ZBTB7C: variants seen among roughly 807,000 people sequenced by gnomAD.
ZBTB7C encodes the protein zinc finger and BTB domain-containing protein 7C.
Under a neutral mutation model 25.7 loss-of-function variants are expected in ZBTB7C, and 8 were observed. The observed-to-expected ratio is 0.31, with a 90% CI of 0.18 to 0.56. The LOEUF (loss-of-function observed/expected upper bound fraction) is 0.56, where lower values mean the gene tolerates loss of function less well. Among genes scored for constraint, ZBTB7C ranks in the 20% least tolerant of loss-of-function variants. The pLI is 0.91. For synonymous variants in ZBTB7C, 394 were observed against 369.0 expected, an observed-to-expected ratio of 1.07 and a Z score of -0.78; for missense variants, 824 against 855.2, an observed-to-expected ratio of 0.96 and a Z score of 0.46.
chr18:48,085,826 G>T (rs1415320820), intron 3 of ZBTB7C, among the ~76,000 whole-genome samples: 1 of 152,198 alleles, frequency 6.6e-6, no homozygotes, highest in Non-Finnish European at 1.5e-5. Flanking sequence ...ACCCCTCCCT[G>T]CCTGGCCAGG....
intron 2 of ZBTB7C, chr18:48,252,917 G>T (rs2043910383): frequency 6.6e-6 from 1 of 152,246 alleles, no homozygotes; most frequent in African/African-American, 2.4e-5. Flanking sequence ...GCCTCTTAAG[G>T]TGATATGTAG....
At chr18:48,315,700 C>T (rs2045931433) in intron 2 of ZBTB7C, among the ~76,000 whole-genome samples, 1 of 152,176 alleles carries the variant, frequency 6.6e-6, no homozygotes, top group African/African-American at 2.4e-5. Flanking sequence ...TCAGCCTCTC[C>T]AGGGGGCTGC....
intron 2 of ZBTB7C, among the ~76,000 whole-genome samples, chr18:48,332,673 CTTTTTTTTTTTTT>C (rs58216606): frequency 1.3e-4 from 11 of 85,740 alleles, no homozygotes. Context: ...CTCTCCTTTG[CTTTTTTTTTTTTT>C]TTTTTTTTTT....
chr18:48,329,780 G>C (rs1368106723), intron 2 of ZBTB7C, among the ~76,000 whole-genome samples: 2 of 152,168 alleles, frequency 1.3e-5, no homozygotes, highest in African/African-American at 2.4e-5. Flanking sequence ...GGAAGCTGAG[G>C]CTCAGTGCAT....
At chr18:48,032,111 T>A (rs1166602648) in intron 4 of ZBTB7C, among the ~76,000 whole-genome samples, 1 of 152,108 alleles carries the variant, frequency 6.6e-6, no homozygotes, top group Non-Finnish European at 1.5e-5. Flanking sequence ...TAGGTTTTTT[T>A]ATTTTTATTT....
chr18:48,137,419 CCCA>C lies in ZBTB7C; in HGVS notation c.-17+48512_-17+48514del, dbSNP rs1376067144. The C allele has an allele frequency of 1.9e-3, 1,306 of 698,782 alleles. 6 individuals are homozygous for C. The highest frequency in any genetic ancestry group is 2.2e-3 in the Non-Finnish European group (1,224 of 568,970). 43.3% of individuals were successfully genotyped at this position (698,782 alleles called of 1,614,324 possible). On this transcript the variant is annotated intron_variant, in intron 3 of 4. Coordinates refer to ENST00000590800, the MANE Select transcript of ZBTB7C (RefSeq NM_001318841.2). Reference sequence around the variant, plus strand: ...CCGTTTTGTTTTTTGTGGGTTTCCCCCCACTCTCCTTCTCTAGTACTTCACAAA... The same window carrying C: ...CCGTTTTGTTTTTTGTGGGTTTCCCCCTCTCCTTCTCTAGTACTTCACAAA...
At chr18:48,059,001 C>T (rs1330597762) in intron 3 of ZBTB7C, among the ~76,000 whole-genome samples, 1 of 152,192 alleles carries the variant, frequency 6.6e-6, no homozygotes, top group Non-Finnish European at 1.5e-5. Context: ...CATAGGAATC[C>T]CTGAGCCAGA....
At chr18:48,336,859 G>T (rs542748656) in intron 2 of ZBTB7C, among the ~76,000 whole-genome samples, 1 of 152,184 alleles carries the variant, frequency 6.6e-6, no homozygotes, top group South Asian at 2.1e-4. Flanking sequence ...TGAGAGGTGG[G>T]GTCTGGGGAT....
Position 48,222,603 on chromosome 18 carries a change from G to T in ZBTB7C, c.-78-36608C>A, listed in dbSNP as rs551653322. ...GACTTGCCTGCTGCCTCCCAAATCT[G>T]CCCTAGATACCAGCCCCAGGACAAT... On this transcript the variant is annotated intron_variant, in intron 2 of 4. Transcript: ENST00000590800. 7.2e-5 allele frequency among the ~76,000 whole-genome samples: 11 copies of T among 152,230 alleles called. No individual in the cohort carries two copies. The East Asian group carries it at 1.7e-3, about 24-fold the overall frequency.
chr18:48,310,360 G>A (rs1244984996), intron 2 of ZBTB7C, among the ~76,000 whole-genome samples: 2 of 150,956 alleles, frequency 1.3e-5, no homozygotes, highest in Non-Finnish European at 1.5e-5. Flanking sequence ...TCCTTTCCGC[G>A]TTCCATTTTC....
At chr18:48,203,491 A>G (rs869999) in intron 2 of ZBTB7C, 22,769 of 152,300 alleles carry the variant, frequency 0.15, 1,860 homozygotes, top group Non-Finnish European at 0.19. Context: ...CTGCAGTGCA[A>G]AAGAATGGAC....
intron 3 of ZBTB7C, among the ~76,000 whole-genome samples, chr18:48,113,909 G>A (rs150538966): frequency 6.6e-6 from 1 of 152,326 alleles, no homozygotes; most frequent in East Asian, 1.9e-4. Context: ...GGGGCCGGCT[G>A]TAAAATGCTG....
chr18:48,282,411 T>A (rs866437148), intron 2 of ZBTB7C, among the ~76,000 whole-genome samples: 36 of 151,580 alleles, frequency 2.4e-4, no homozygotes, highest in African/African-American at 8.5e-4. Flanking sequence ...TGTATACATA[T>A]GTAACTAACC....
chr18:48,040,833 G>A lies in ZBTB7C; in HGVS notation c.275C>T (p.Ala92Val), dbSNP rs1208306565. ...PEALAAILEFAYTSTLTITAG... is the reference protein window; with the variant it reads ...PEALAAILEFVYTSTLTITAG... Reference sequence around the variant, plus strand: ...GGTGATGGTGAGCGTGGAGGTGTAGGCGAACTCCAGGATAGCAGCCAGAGC... The same window carrying A: ...GGTGATGGTGAGCGTGGAGGTGTAGACGAACTCCAGGATAGCAGCCAGAGC... The change falls in exon 4 of 5, where the codon GCC (alanine) becomes GTC (valine). Residue 92 changes from alanine to valine, a missense_variant. By Grantham distance (64) the Ala-to-Val change is moderately conservative (BLOSUM62 0). This residue lies in a region of ZBTB7C where 117 missense variants were observed against 167.7 expected (regional missense o/e 0.70). Transcript: ENST00000590800. 3 of 1,613,934 alleles carry A rather than the reference G, an allele frequency of 1.9e-6. No individual in the cohort carries two copies. Among genetic ancestry groups the A allele is most frequent in the African/African-American group, 2.7e-5 (2 of 74,920 alleles).
chr18:48,296,153 G>C (rs1230098252), intron 2 of ZBTB7C, among the ~76,000 whole-genome samples: 2 of 152,172 alleles, frequency 1.3e-5, no homozygotes, highest in Non-Finnish European at 2.9e-5. Context: ...CTTGGTCTCA[G>C]CACCTGCCCA....
At chr18:48,392,826 C>T (rs993714549) in intron 1 of ZBTB7C, among the ~76,000 whole-genome samples, 3 of 152,152 alleles carry the variant, frequency 2.0e-5, no homozygotes, top group Non-Finnish European at 4.4e-5. Flanking sequence ...CTGACCTCTT[C>T]CTCCAATGCC....
At chr18:48,235,220 T>C (rs1020897977) in intron 2 of ZBTB7C, among the ~76,000 whole-genome samples, 1 of 152,188 alleles carries the variant, frequency 6.6e-6, no homozygotes, top group South Asian at 2.1e-4. Flanking sequence ...GGTGTTTTTT[T>C]CTACCATTTT....
intron 3 of ZBTB7C, among the ~76,000 whole-genome samples, chr18:48,080,019 G>C (rs2037921411): frequency 6.6e-6 from 1 of 152,226 alleles, no homozygotes; most frequent in Admixed American, 6.5e-5. Flanking sequence ...TCAGCACAGG[G>C]AGCAGACGTT....
chr18:48,110,325 AC>A (rs34898683), intron 3 of ZBTB7C, among the ~76,000 whole-genome samples: 3 of 137,128 alleles, frequency 2.2e-5, no homozygotes, highest in African/African-American at 9.1e-5. Flanking sequence ...GCCCTGCCCT[AC>A]CCCCCCACCT....
Sources: gnomAD v4.1 joint callset for allele counts (sites outside exome capture counted in the v4.1 genomes callset) on GRCh38, gnomAD v4.1.1 for gene constraint, gnomAD v4.1.1 regional missense constraint, MANE v1.5 for transcripts, NCBI Gene and HGNC (gene_info 2026-07-23, HGNC 2026-07-21) for gene names.